Variants in CNTN5 observed in about 807,000 individuals in gnomAD.
CNTN5 encodes contactin 5, also known as contactin-5.
CNTN5 carries 77 observed loss-of-function variants against 129.1 expected under a neutral mutation model. The ratio of observed to expected loss-of-function variants is 0.60; its 90% CI spans 0.50 to 0.72. The LOEUF is 0.72. Ranked by LOEUF, CNTN5 falls within the 30% of genes least tolerant of loss-of-function variation. The probability of loss-of-function intolerance (pLI) is 0.00; values close to 1 mark genes in which losing one functional copy is unlikely to be tolerated. For missense variants in CNTN5, 1,478 were observed against 1,328.8 expected (o/e 1.11, Z -1.75); for synonymous variants, 509 against 465.6 (o/e 1.09, Z -1.20).
intron 9 of CNTN5, among the ~76,000 whole-genome samples, chr11:100,020,343 T>G (rs1941067895): frequency 6.6e-6 from 1 of 152,104 alleles, no homozygotes; most frequent in Admixed American, 6.6e-5. Context: ...TTTATTCACC[T>G]GCAAGTGAAT....
chr11:99,380,147 A>G (rs1219723520), intron 2 of CNTN5, among the ~76,000 whole-genome samples: 1 of 151,868 alleles, frequency 6.6e-6, no homozygotes, highest in African/African-American at 2.4e-5. Context: ...CTTGAAAAAC[A>G]TAATAAAGTC....
At chr11:99,790,731 C>T (rs1168838663) in intron 3 of CNTN5, among the ~76,000 whole-genome samples, 1 of 152,072 alleles carries the variant, frequency 6.6e-6, no homozygotes, top group South Asian at 2.1e-4. Flanking sequence ...GCTTTGAGTT[C>T]TCTGAGAAAT....
intron 2 of CNTN5, among the ~76,000 whole-genome samples, chr11:99,381,138 C>G (rs1940532746): frequency 7.2e-6 from 1 of 139,560 alleles, no homozygotes; most frequent in African/African-American, 2.7e-5. Context: ...AAAAAAATTT[C>G]TTCAGCTGAG....
At chr11:99,964,239 C>A (rs569060261) in intron 8 of CNTN5, among the ~76,000 whole-genome samples, 67 of 146,972 alleles carry the variant, frequency 4.6e-4, no homozygotes, top group African/African-American at 1.3e-3. Context: ...GTCTTGTGCC[C>A]GTTTTCAAAG....
At chr11:99,123,006 A>G (rs944700695) in intron 1 of CNTN5, among the ~76,000 whole-genome samples, 21 of 152,168 alleles carry the variant, frequency 1.4e-4, no homozygotes, top group Admixed American at 1.4e-3. Context: ...TAATAAACAT[A>G]CATGTGCATG....
intron 2 of CNTN5, among the ~76,000 whole-genome samples, chr11:99,533,581 C>A (rs1027272260): frequency 2.0e-5 from 3 of 152,228 alleles, no homozygotes; most frequent in Non-Finnish European, 4.4e-5. Context: ...AAGGCTGGTG[C>A]CTGTCAGCTG....
chr11:99,394,048 G>A (rs974143888), intron 2 of CNTN5, among the ~76,000 whole-genome samples: 1 of 151,636 alleles, frequency 6.6e-6, no homozygotes, highest in African/African-American at 2.4e-5. Context: ...CATTAGGGAA[G>A]TTTCATGCCT....
At chr11:100,158,626 T>A (rs1947336629) in intron 13 of CNTN5, among the ~76,000 whole-genome samples, 1 of 151,830 alleles carries the variant, frequency 6.6e-6, no homozygotes, top group African/African-American at 2.4e-5. Flanking sequence ...TGCAAATTTT[T>A]AAAAATACAT....
intron 3 of CNTN5, among the ~76,000 whole-genome samples, chr11:99,686,105 A>G (rs1953779929): frequency 6.6e-6 from 1 of 152,040 alleles, no homozygotes; most frequent in Admixed American, 6.6e-5. Context: ...GTATATATAT[A>G]TATGTGCCAT....
chr11:100,280,057 T>G lies in CNTN5; in HGVS notation c.2314+8816T>G, dbSNP rs1374235419. On this transcript the variant is annotated intron_variant, in intron 18 of 24. Coordinates refer to ENST00000524871, the MANE Select transcript of CNTN5 (RefSeq NM_014361.4). ...TTTTTCAATTCCCTTCTTAATTTCT[T>G]CATTGACCCATGGGTCATTCAGGAG... Among the ~76,000 whole-genome samples the G allele has an allele frequency of 3.9e-5, 6 of 151,970 alleles. No individual in the cohort carries two copies. The South Asian group carries it at 1.2e-3, about 32-fold the overall frequency.
At chr11:99,856,987 T>G (rs1565610611) in intron 6 of CNTN5, among the ~76,000 whole-genome samples, 1 of 151,140 alleles carries the variant, frequency 6.6e-6, no homozygotes, top group African/African-American at 2.5e-5. Context: ...TCCCTGTTAC[T>G]CCCTCCCTCC....
At chr11:100,213,092 C>T (rs930952736) in intron 15 of CNTN5, among the ~76,000 whole-genome samples, 56 of 152,058 alleles carry the variant, frequency 3.7e-4, no homozygotes, top group Non-Finnish European at 1.5e-4. Context: ...CTAAAAGCAA[C>T]GATAAGCTTA....
intron 6 of CNTN5, among the ~76,000 whole-genome samples, chr11:99,855,240 A>T (rs1461537576): frequency 6.6e-6 from 1 of 152,112 alleles, no homozygotes; most frequent in Non-Finnish European, 1.5e-5. Flanking sequence ...GCCCGGGAGT[A>T]CTAGGTGAGC....
intron 6 of CNTN5, among the ~76,000 whole-genome samples, chr11:99,854,916 A>C (rs1368111333): frequency 6.6e-6 from 1 of 152,178 alleles, no homozygotes; most frequent in Non-Finnish European, 1.5e-5. Context: ...AAGCTAGTGA[A>C]AGAGAGAAGA....
At position 99,561,824 on chromosome 11, in the gene CNTN5, TGGATA is replaced by T. The variant is rs558212395; in HGVS notation, c.55+5560_55+5564del. On this transcript the variant is annotated intron_variant, in intron 3 of 24. Transcript: ENST00000524871. ...GATAACTAAATGTAATGAGGTATAT[TGGATA>T]GGATCTCATAAGAGAAAAAGAGCAT... 1.2e-4 allele frequency among the ~76,000 whole-genome samples: 8 copies of T among 64,568 alleles called. No individual in the cohort carries two copies. The East Asian group carries it at 3.8e-3, about 31-fold the overall frequency. 42.4% of individuals were successfully genotyped at this position (64,568 alleles called of 152,430 possible).
intron 1 of CNTN5, among the ~76,000 whole-genome samples, chr11:99,313,883 T>G (rs1865223057): frequency 6.6e-6 from 1 of 152,028 alleles, no homozygotes; most frequent in Admixed American, 6.6e-5. Context: ...TATCGTAGAC[T>G]TTCTTGACCC....
At chr11:99,897,268 G>T (rs1168219102) in intron 6 of CNTN5, among the ~76,000 whole-genome samples, 6 of 152,194 alleles carry the variant, frequency 3.9e-5, no homozygotes, top group Middle Eastern at 3.4e-3. Flanking sequence ...ATTGCTAGAG[G>T]TAGATATTCG....
At chr11:100,297,045 T>C (rs1350569978) in intron 18 of CNTN5, among the ~76,000 whole-genome samples, 1 of 151,622 alleles carries the variant, frequency 6.6e-6, no homozygotes, top group Non-Finnish European at 1.5e-5. Context: ...TAGTTATTCA[T>C]TTGAAAAAGT....
intron 6 of CNTN5, among the ~76,000 whole-genome samples, chr11:99,899,130 G>A (rs893839209): frequency 7.9e-5 from 12 of 152,020 alleles, no homozygotes; most frequent in African/African-American, 2.7e-4. Context: ...TTCTAGAAGA[G>A]TCTTTAGGGT....
Sources: gnomAD v4.1 joint callset for allele counts (sites outside exome capture counted in the v4.1 genomes callset) on GRCh38, gnomAD v4.1.1 for gene constraint, MANE v1.5 for transcripts, NCBI Gene and HGNC (gene_info 2026-07-23, HGNC 2026-07-21) for gene names.